The following MBD3 variants were observed in gnomAD, a reference collection of about 807,000 sequenced individuals.
MBD3 encodes the protein methyl-CpG binding domain protein 3.
In MBD3, 13 loss-of-function variants were observed where a neutral mutation model predicts 31.2. That is an observed-to-expected ratio of 0.42 (90% confidence interval 0.27 to 0.66). MBD3 has a LOEUF of 0.66. Ranked by LOEUF, MBD3 falls within the 30% of genes least tolerant of loss-of-function variation. The pLI is 0.26. For missense variants in MBD3, 440 were observed against 426.5 expected (o/e 1.03, Z -0.28); for synonymous variants, 223 against 187.4 (o/e 1.19, Z -1.55).
intron 2 of MBD3, 184 bp downstream of exon 2, chr19:1,584,871 C>G: frequency 9.8e-7 from 1 of 1,024,814 alleles, no homozygotes; most frequent in Non-Finnish European, 1.4e-6. Context: ...CGCCGCGGGC[C>G]GCGTCCTCGC....
Position 1,592,499 on chromosome 19 carries a change from GCGCGGCCGGCGCGCT to G in MBD3, c.110+8_110+22del. 3.0e-6 allele frequency: 4 copies of G among 1,332,024 alleles called. No homozygotes were observed. The highest frequency in any genetic ancestry group is 4.0e-6 in the Non-Finnish European group (4 of 1,000,066). The allele number at this position is 1,332,024 out of a possible 1,614,324, so 82.5% of individuals were successfully genotyped here. A position where few individuals can be genotyped will look rare whatever the true frequency, so the allele number is the denominator to read the frequency against. On this transcript the variant is annotated splice_region_variant and intron_variant, in intron 1 of 6. Coordinates refer to ENST00000434436, the MANE Select transcript of MBD3 (RefSeq NM_001281453.2). ...GCTGGGAGGAGCCCGTTGAGGCCCT[GCGCGGCCGGCGCGCT>G]CATTCACCTATAGTAAAAGACATCC...
rs955656429 is a variant in MBD3, at chr19:1,578,964, A to G, written c.678-426T>C. On this transcript the variant is annotated intron_variant, in intron 5 of 6. Transcript: ENST00000434436. The surrounding 1 kb of genome is among the most constrained non-coding windows in gnomAD (Gnocchi z 6.1). ...TTTGGGAGGCCGAGGTGGGCAGATC[A>G]CTTGAGGTCAGGCGTTCGAGACCAG... Among the ~76,000 whole-genome samples, 4 of 152,070 alleles carry G rather than the reference A, an allele frequency of 2.6e-5. No individual in the cohort carries two copies. Among genetic ancestry groups the G allele is most frequent in the Non-Finnish European group, 5.9e-5 (4 of 68,004 alleles).
intron 1 of MBD3, among the ~76,000 whole-genome samples, chr19:1,589,547 G>A (rs905225927): frequency 1.3e-5 from 2 of 152,064 alleles, no homozygotes; most frequent in African/African-American, 4.8e-5. Flanking sequence ...CAGCTACTCA[G>A]GAGTCTGAGG....
chr19:1,580,764 C>G (rs1917333591), intron 5 of MBD3, among the ~76,000 whole-genome samples: 1 of 152,234 alleles, frequency 6.6e-6, no homozygotes, highest in Non-Finnish European at 1.5e-5. Context: ...TCCCTGAAGG[C>G]AGAGACTCCT....
rs750933978 is a variant in MBD3 at position 1,588,779 on chromosome 19, C to CAAAAA, written c.111-3570_111-3566dup. ...GGGCGACAGAGCAAGACTGTGTCTCCAAAAAAAAAAAAAAAAAAAAAAGGT... is the reference window on the plus strand; with the variant it reads ...GGGCGACAGAGCAAGACTGTGTCTCCAAAAAAAAAAAAAAAAAAAAAAAAAAAGGT... On this transcript the variant is annotated intron_variant, in intron 1 of 6. Transcript: ENST00000434436. Among the ~76,000 whole-genome samples, 66 of 54,938 alleles carry CAAAAA rather than the reference C, an allele frequency of 1.2e-3. 1 individual carries two copies. Among genetic ancestry groups the CAAAAA allele is most frequent in the South Asian group, 5.8e-3 (8 of 1,376 alleles). 36.0% of individuals were successfully genotyped at this position (54,938 alleles called of 152,430 possible).
intron 3 of MBD3, 93 bp from the exon 4 acceptor site, chr19:1,582,805 CTT>C: frequency 8.7e-7 from 1 of 1,153,546 alleles, no homozygotes. Context: ...ACCTGGCCTC[CTT>C]GCCCCATGTG....
intron 1 of MBD3, among the ~76,000 whole-genome samples, chr19:1,587,538 C>T (rs2060685015): frequency 1.3e-5 from 2 of 152,110 alleles, no homozygotes; most frequent in Admixed American, 1.3e-4. Context: ...CCTTGGCCTC[C>T]TGAGGAGCTA....
chr19:1,592,473 C>T (rs1168324672), intron 1 of MBD3, 49 bp downstream of exon 1: 3 of 1,083,458 alleles, frequency 2.8e-6, no homozygotes, highest in Middle Eastern at 2.3e-4. Flanking sequence ...CCGCAGAGGC[C>T]GCTGGGAGGA....
At chr19:1,580,637 C>T (rs991872019) in intron 5 of MBD3, among the ~76,000 whole-genome samples, 6 of 152,214 alleles carry the variant, frequency 3.9e-5, no homozygotes, top group Non-Finnish European at 8.8e-5. Context: ...GGCCGCTCAC[C>T]CCTGGGCTGC....
At chr19:1,584,814 CG>C in intron 2 of MBD3, 137 bp from the exon 3 acceptor site, 3 of 1,023,598 alleles carry the variant, frequency 2.9e-6, no homozygotes, top group South Asian at 1.8e-5. Flanking sequence ...CCCCACGGTC[CG>C]GGGAGGCCGC....
chr19:1,592,564 C>T lies in MBD3; in HGVS notation c.68G>A (p.Arg23Lys), dbSNP rs749923690. 1.4e-6 allele frequency: 2 copies of T among 1,443,782 alleles called. No individual in the cohort carries two copies. The highest frequency in any genetic ancestry group is 3.0e-5 in the African/African-American group (2 of 66,944). The allele number at this position is 1,443,782 out of a possible 1,614,324, so 89.4% of individuals were successfully genotyped here. A position where few individuals can be genotyped will look rare whatever the true frequency, so the allele number is the denominator to read the frequency against. The change falls in exon 1 of 7, where the codon AGG becomes AAG. Residue 23 changes from arginine (R) to lysine (K), a missense_variant. This residue lies in a region of MBD3 where 179 missense variants were observed against 134.7 expected (regional missense o/e 1.33). Coordinates refer to ENST00000434436, the MANE Select transcript of MBD3 (RefSeq NM_001281453.2). ...CCTGTGGCCGGCCGACAGCCCCGAC[C>T]TTCTGGGCACTTCTTCCCTCTCCCA... ...QGWEREEVPR[R>K]SGLSAGHRDV...
chr19:1,582,471 G>A lies in MBD3; in HGVS notation c.499+151C>T, dbSNP rs536880743. The A allele has an allele frequency of 2.4e-5, 17 of 722,254 alleles. No homozygotes were observed. In the South Asian group the frequency reaches 2.5e-4, roughly 11 times the overall value. 44.7% of individuals were successfully genotyped at this position (722,254 alleles called of 1,614,324 possible). ...CCTTACCCATCCCCAACCCCACTGGGTCCCCTCCTCCTGCCCCAGTCGCTG... is the reference window on the plus strand; with the variant it reads ...CCTTACCCATCCCCAACCCCACTGGATCCCCTCCTCCTGCCCCAGTCGCTG... On this transcript the variant is annotated intron_variant, in intron 4 of 6. Transcript: ENST00000434436.
chr19:1,591,102 G>A (rs1016863572), intron 1 of MBD3, among the ~76,000 whole-genome samples: 1 of 152,162 alleles, frequency 6.6e-6, no homozygotes, highest in Non-Finnish European at 1.5e-5. Flanking sequence ...CTGCTGCCTG[G>A]ACGCCTCTCC....
Position 1,584,593 on chromosome 19 carries a change from G to C in MBD3, c.355C>G (p.Pro119Ala). The C allele has an allele frequency of 6.8e-6, 11 of 1,613,998 alleles. No individual in the cohort carries two copies. The highest frequency in any genetic ancestry group is 9.3e-6 in the Non-Finnish European group (11 of 1,179,964). The stretch of plus-strand genomic sequence containing the variant: ...GGGTCGCTCTTGACCTTGTTGCTGG[G>C]GTGGTTGGTAATCTTGGTCACCGGC... ...KQPVTKITNH[P>A]SNKVKSDPQK... The change falls in exon 3 of 7, where the codon CCC becomes GCC. Residue 119 changes from proline (P) to alanine (A), a missense_variant. Physicochemically the swap from Pro to Ala is conservative, Grantham distance 27. This residue lies in a region of MBD3 where 144 missense variants were observed against 196.9 expected (regional missense o/e 0.73). Coordinates refer to ENST00000434436, the MANE Select transcript of MBD3 (RefSeq NM_001281453.2).
At chr19:1,579,601 C>A (rs1046136590) in intron 5 of MBD3, among the ~76,000 whole-genome samples, 1 of 152,134 alleles carries the variant, frequency 6.6e-6, no homozygotes, top group Non-Finnish European at 1.5e-5. Context: ...GGGTCTCTCT[C>A]CAGCGGCTCC....
At chr19:1,581,630 A>G (rs1279011354) in intron 4 of MBD3, 1 of 368,780 alleles carries the variant, frequency 2.7e-6, no homozygotes, top group Non-Finnish European at 5.2e-6. Context: ...CTGTGGTCCC[A>G]GCTACTCAGG....
rs1200553325 is a variant in MBD3 at position 1,575,167 on chromosome 19, C to T, written c.*2997G>A. The T allele has an allele frequency of 4.6e-6, 2 of 434,530 alleles. No homozygotes were observed. Among genetic ancestry groups the T allele is most frequent in the Non-Finnish European group, 9.4e-6 (2 of 213,672 alleles). The allele number at this position is 434,530 out of a possible 1,614,324, so 26.9% of individuals were successfully genotyped here. A position where few individuals can be genotyped will look rare whatever the true frequency, so the allele number is the denominator to read the frequency against. Reference sequence around the variant, plus strand: ...CCAGAAGGGCTGCCATGGTGGTTCACACCTGTAATCCCGGCAATTTGGGAA... The same window carrying T: ...CCAGAAGGGCTGCCATGGTGGTTCATACCTGTAATCCCGGCAATTTGGGAA... On this transcript the variant is annotated 3_prime_UTR_variant, in exon 7 of 7. Coordinates refer to ENST00000434436, the MANE Select transcript of MBD3 (RefSeq NM_001281453.2).
In MBD3 at chr19:1,578,548, C is replaced by A; in HGVS notation, c.678-10G>T. ...CAGCTCTTCCTGCTTCCTGGGGACA[C>A]ATGGACCTTGCGTTACACCAAGGTG... On this transcript the variant is annotated splice_polypyrimidine_tract_variant and intron_variant, in intron 5 of 6. Transcript: ENST00000434436. The surrounding 1 kb of genome is among the most constrained non-coding windows in gnomAD (Gnocchi z 6.1). 1 of 1,611,710 alleles carries A rather than the reference C, an allele frequency of 6.2e-7. No individual in the cohort carries two copies.
At chr19:1,591,141 A>C (rs951725125) in intron 1 of MBD3, among the ~76,000 whole-genome samples, 1 of 152,134 alleles carries the variant, frequency 6.6e-6, no homozygotes, top group African/African-American at 2.4e-5. Flanking sequence ...TCCTCAGAGA[A>C]GCCCTCCCTG....
Sources: allele counts gnomAD v4.1 joint callset (sites outside exome capture counted in the v4.1 genomes callset), GRCh38; gene constraint gnomAD v4.1.1; regional missense constraint gnomAD v4.1.1; non-coding constraint Gnocchi (gnomAD v3.1); transcripts MANE v1.5; gene names NCBI Gene and HGNC (gene_info 2026-07-23, HGNC 2026-07-21).